The following EXOC6B variants were observed in gnomAD, a reference collection of about 807,000 sequenced individuals.
EXOC6B encodes the protein exocyst complex component 6B, also known as SEC15 homolog B.
A neutral mutation model predicts 113.5 loss-of-function variants in EXOC6B; 54 were observed. That is an observed-to-expected ratio of 0.48 (90% CI 0.38 to 0.60). EXOC6B has a LOEUF of 0.60. EXOC6B is among the 20% of genes least tolerant of loss of function. The pLI, the probability that EXOC6B is intolerant of heterozygous loss-of-function variation, is 0.00. For synonymous variants in EXOC6B, 357 were observed against 339.0 expected, an observed-to-expected ratio of 1.05 and a Z score of -0.58; for missense variants, 797 against 977.5, an observed-to-expected ratio of 0.82 and a Z score of 2.46.
intron 18 of EXOC6B, chr2:72,464,153 C>G (rs934795319): frequency 2.0e-5 from 3 of 152,146 alleles, no homozygotes; most frequent in Non-Finnish European, 4.4e-5. Context: ...GGAGCTGAAA[C>G]CTCATTAGGG....
intron 17 of EXOC6B, 97 bp downstream of exon 17, chr2:72,480,519 G>T: frequency 1.7e-6 from 2 of 1,145,414 alleles, no homozygotes; most frequent in Non-Finnish European, 2.4e-6. Context: ...TCAAGAGCAT[G>T]TTATAAACCA....
At chr2:72,466,084 C>T (rs935839285) in intron 17 of EXOC6B, among the ~76,000 whole-genome samples, 3 of 152,108 alleles carry the variant, frequency 2.0e-5, no homozygotes, top group Non-Finnish European at 2.9e-5. Flanking sequence ...GTGGCTCATG[C>T]GTGTAATCCC....
chr2:72,350,049 T>G (rs1280598760), intron 19 of EXOC6B, among the ~76,000 whole-genome samples: 1 of 152,124 alleles, frequency 6.6e-6, no homozygotes, highest in Admixed American at 6.6e-5. Flanking sequence ...CGATATTGGG[T>G]CCATTTTAAT....
In EXOC6B at chr2:72,454,319, C is replaced by T. The variant is rs540392318; in HGVS notation, c.1980+10841G>A. 1.3e-4 allele frequency among the ~76,000 whole-genome samples: 20 copies of T among 152,210 alleles called. 1 individual carries two copies. The highest frequency in any genetic ancestry group is 4.6e-4 in the African/African-American group (19 of 41,532). ...AGAAGTTCAAGACCAACCTGGGCAA[C>T]ATAGTGAGACCCCATCTCAACAAAA... On this transcript the variant is annotated intron_variant, in intron 18 of 21. Transcript: ENST00000272427.
chr2:72,369,560 C>T (rs1572982113), intron 19 of EXOC6B, among the ~76,000 whole-genome samples: 1 of 152,202 alleles, frequency 6.6e-6, no homozygotes, highest in East Asian at 1.9e-4. Context: ...CCAAGTCACT[C>T]CTAAGCCAAA....
At chr2:72,243,415 A>T (rs1440478516) in intron 20 of EXOC6B, among the ~76,000 whole-genome samples, 1 of 151,826 alleles carries the variant, frequency 6.6e-6, no homozygotes, top group Non-Finnish European at 1.5e-5. Flanking sequence ...ATGCAGCCAT[A>T]AAAAAGGATG....
chr2:72,183,388 G>A (rs1049868272), intron 21 of EXOC6B, among the ~76,000 whole-genome samples: 3 of 152,174 alleles, frequency 2.0e-5, no homozygotes, highest in Non-Finnish European at 4.4e-5. Context: ...CAGCTTCTGG[G>A]TGACATATTT....
intron 2 of EXOC6B, among the ~76,000 whole-genome samples, chr2:72,736,637 G>T (rs1205305951): frequency 1.3e-5 from 2 of 152,186 alleles, no homozygotes; most frequent in Non-Finnish European, 2.9e-5. Context: ...GGCAAGGGAA[G>T]TAAGAGGAAA....
chr2:72,702,968 T>G (rs1678546173), intron 6 of EXOC6B, among the ~76,000 whole-genome samples: 2 of 151,886 alleles, frequency 1.3e-5, no homozygotes, highest in African/African-American at 2.4e-5. Flanking sequence ...TGCCATTGCC[T>G]TTGGTGTTTT....
chr2:72,198,060 G>T (rs1679278568), intron 20 of EXOC6B, among the ~76,000 whole-genome samples: 1 of 152,134 alleles, frequency 6.6e-6, no homozygotes, highest in Non-Finnish European at 1.5e-5. Context: ...CATTGGCAGG[G>T]TATACCACAT....
intron 20 of EXOC6B, among the ~76,000 whole-genome samples, chr2:72,198,013 T>C (rs755724800): frequency 6.6e-6 from 1 of 152,192 alleles, no homozygotes; most frequent in Non-Finnish European, 1.5e-5. Flanking sequence ...TATTGCCCCA[T>C]GATCTACATG....
At chr2:72,730,890 G>T in intron 5 of EXOC6B, 117 bp downstream of exon 5, 1 of 302,032 alleles carries the variant, frequency 3.3e-6, no homozygotes, top group Non-Finnish European at 5.2e-6. Flanking sequence ...ATATACAAAA[G>T]GTTAAGATGT....
chr2:72,506,922 T>C (rs1456071708), intron 11 of EXOC6B, among the ~76,000 whole-genome samples: 1 of 152,118 alleles, frequency 6.6e-6, no homozygotes, highest in Non-Finnish European at 1.5e-5. Flanking sequence ...TCTTTTAATA[T>C]TGAACCATTC....
intron 1 of EXOC6B, among the ~76,000 whole-genome samples, chr2:72,752,548 A>ACT (rs143358400): frequency 0.016 from 1,336 of 85,484 alleles, 5 homozygotes; most frequent in Non-Finnish European, 0.021. Context: ...TCTCTCTCTC[A>ACT]CTCTCTCTCT....
chr2:72,646,438 C>T (rs1673720654), intron 6 of EXOC6B, among the ~76,000 whole-genome samples: 1 of 151,580 alleles, frequency 6.6e-6, no homozygotes, highest in Non-Finnish European at 1.5e-5. Flanking sequence ...GGAATCCTCC[C>T]TAACTCATTT....
At chr2:72,204,998 T>C (rs1271691296) in intron 20 of EXOC6B, among the ~76,000 whole-genome samples, 3 of 152,178 alleles carry the variant, frequency 2.0e-5, no homozygotes, top group Non-Finnish European at 4.4e-5. Context: ...CCTGGTCCCA[T>C]TTCCAGACAG....
intron 6 of EXOC6B, among the ~76,000 whole-genome samples, chr2:72,630,160 A>G (rs1573516329): frequency 1.3e-5 from 2 of 152,246 alleles, no homozygotes; most frequent in Middle Eastern, 6.8e-3. Flanking sequence ...CCACCATTTC[A>G]TAAGCTTTGG....
intron 20 of EXOC6B, among the ~76,000 whole-genome samples, chr2:72,319,579 T>C (rs1687730342): frequency 6.6e-6 from 1 of 152,256 alleles, no homozygotes; most frequent in African/African-American, 2.4e-5. Flanking sequence ...AAACCAATTG[T>C]ATATTTCTAT....
chr2:72,553,876 G>T (rs1244188356), intron 8 of EXOC6B, among the ~76,000 whole-genome samples: 1 of 152,044 alleles, frequency 6.6e-6, no homozygotes, highest in Non-Finnish European at 1.5e-5. Context: ...ACATCAATTT[G>T]AAAAGAGCCT....
Sources: allele counts gnomAD v4.1 joint callset (sites outside exome capture counted in the v4.1 genomes callset), GRCh38; gene constraint gnomAD v4.1.1; transcripts MANE v1.5; gene names NCBI Gene and HGNC (gene_info 2026-07-23, HGNC 2026-07-21).